ARHGAP44: variants seen among roughly 807,000 people sequenced by gnomAD.
ARHGAP44 encodes the protein Rho GTPase activating protein 44, also known as rho GTPase-activating protein 44.
Under a neutral mutation model 106.8 loss-of-function variants are expected in ARHGAP44, and 43 were observed. The observed-to-expected ratio is 0.40, with a 90% CI of 0.32 to 0.52. ARHGAP44 has a LOEUF of 0.52. Among genes scored for constraint, ARHGAP44 ranks in the 20% least tolerant of loss-of-function variants. The probability of loss-of-function intolerance (pLI) is 0.48; values close to 1 mark genes in which losing one functional copy is unlikely to be tolerated. For missense variants in ARHGAP44, 866 were observed against 1,050.5 expected (o/e 0.82, Z 2.43); for synonymous variants, 439 against 410.3 (o/e 1.07, Z -0.85).
chr17:12,987,391 C>A (rs1395123255), intron 20 of ARHGAP44: 4 of 441,340 alleles, frequency 9.1e-6, no homozygotes, highest in Non-Finnish European at 1.6e-5. Flanking sequence ...ACCCAGCCAG[C>A]CCCTTTCCCC....
chr17:12,830,199 C>T (rs2035043265), intron 1 of ARHGAP44, among the ~76,000 whole-genome samples: 1 of 152,104 alleles, frequency 6.6e-6, no homozygotes, highest in Non-Finnish European at 1.5e-5. Context: ...AGTCTTTTTC[C>T]TATGATTGCT....
At chr17:12,844,347 A>G (rs1310359692) in intron 1 of ARHGAP44, among the ~76,000 whole-genome samples, 1 of 152,160 alleles carries the variant, frequency 6.6e-6, no homozygotes, top group Non-Finnish European at 1.5e-5. Flanking sequence ...AAGTAAGCAC[A>G]TGAGACACAG....
chr17:12,919,876 G>T, intron 6 of ARHGAP44, 45 bp downstream of exon 6: 1 of 1,547,320 alleles, frequency 6.5e-7, no homozygotes, highest in Non-Finnish European at 8.8e-7. Flanking sequence ...AAGGGACAGT[G>T]ATCATATTTT....
intron 1 of ARHGAP44, among the ~76,000 whole-genome samples, chr17:12,831,156 C>T (rs1280302376): frequency 6.6e-6 from 1 of 152,174 alleles, no homozygotes. Flanking sequence ...TCATTGAATT[C>T]TTCAACAACT....
intron 1 of ARHGAP44, among the ~76,000 whole-genome samples, chr17:12,801,356 C>T (rs2034087756): frequency 6.6e-6 from 1 of 152,246 alleles, no homozygotes; most frequent in African/African-American, 2.4e-5. Context: ...CTGTTTTATC[C>T]TCCCAACAAC....
chr17:12,837,652 A>G (rs889350856), intron 1 of ARHGAP44, among the ~76,000 whole-genome samples: 9 of 151,774 alleles, frequency 5.9e-5, no homozygotes, highest in African/African-American at 2.2e-4. Flanking sequence ...CAGGGCAGGT[A>G]GTAGAACTGG....
chr17:12,818,351 AAAC>A (rs1385079288), intron 1 of ARHGAP44, among the ~76,000 whole-genome samples: 1 of 151,368 alleles, frequency 6.6e-6, no homozygotes, highest in Non-Finnish European at 1.5e-5. Context: ...AAAAAAAAAA[AAAC>A]AACCCTACAA....
Position 12,845,973 on chromosome 17 carries a change from G to A in ARHGAP44, c.54-48967G>A, listed in dbSNP as rs74437759. Among the ~76,000 whole-genome samples, 757 of 152,074 alleles carry A rather than the reference G, an allele frequency of 5.0e-3. 26 individuals carry two copies. In the East Asian group the frequency reaches 0.071, roughly 14 times the overall value. ...GGAAGTACACATAAGACAGGGTTCC[G>A]GTATTAAAAAATCTATTTAGGAAAA... On this transcript the variant is annotated intron_variant, in intron 1 of 20. Coordinates refer to ENST00000379672, the MANE Select transcript of ARHGAP44 (RefSeq NM_014859.6).
At chr17:12,907,817 T>C (rs2037600207) in intron 3 of ARHGAP44, among the ~76,000 whole-genome samples, 1 of 152,238 alleles carries the variant, frequency 6.6e-6, no homozygotes, top group Middle Eastern at 3.2e-3. Context: ...TTCAGTTACT[T>C]TGGATATATA....
At chr17:12,872,963 C>T (rs1293774410) in intron 1 of ARHGAP44, among the ~76,000 whole-genome samples, 2 of 152,214 alleles carry the variant, frequency 1.3e-5, no homozygotes, top group African/African-American at 4.8e-5. Flanking sequence ...GTGGATTTAT[C>T]CCGACATTAG....
At chr17:12,965,180 C>T (rs1029205893) in intron 16 of ARHGAP44, among the ~76,000 whole-genome samples, 4 of 152,154 alleles carry the variant, frequency 2.6e-5, no homozygotes, top group African/African-American at 4.8e-5. Context: ...GATGGGCCGG[C>T]GATCTGCCAC....
At chr17:12,910,681 A>G (rs1003852451) in intron 4 of ARHGAP44, among the ~76,000 whole-genome samples, 51 of 152,054 alleles carry the variant, frequency 3.4e-4, no homozygotes, top group Admixed American at 1.8e-3. Flanking sequence ...CCTGACCTCA[A>G]GTGATCCACC....
chr17:12,814,235 GTT>G (rs773171329), intron 1 of ARHGAP44, among the ~76,000 whole-genome samples: 5 of 87,266 alleles, frequency 5.7e-5, no homozygotes, highest in Admixed American at 1.3e-4. Flanking sequence ...CCAAACTGGT[GTT>G]TTTTTTTTTT....
intron 16 of ARHGAP44, among the ~76,000 whole-genome samples, chr17:12,968,646 C>T (rs1355623068): frequency 2.0e-5 from 3 of 152,134 alleles, no homozygotes; most frequent in Admixed American, 2.0e-4. Flanking sequence ...TCCAACTCAG[C>T]AGAGCCCCGC....
chr17:12,836,653 T>C (rs2150821794), intron 1 of ARHGAP44, among the ~76,000 whole-genome samples: 1 of 146,764 alleles, frequency 6.8e-6, no homozygotes, highest in African/African-American at 2.5e-5. Context: ...TGAGACTCTG[T>C]CTCAAAAAAA....
chr17:12,791,329 T>G (rs1002275634), intron 1 of ARHGAP44, among the ~76,000 whole-genome samples: 1 of 152,144 alleles, frequency 6.6e-6, no homozygotes, highest in Admixed American at 6.5e-5. Context: ...CCTTTTGATG[T>G]GTTGGATGCC....
rs9910472 is a variant in ARHGAP44 at position 12,884,050 on chromosome 17, T to C, written c.54-10890T>C. Among the ~76,000 whole-genome samples, 294 of 152,276 alleles carry C rather than the reference T, an allele frequency of 1.9e-3. 1 individual carries two copies. Among genetic ancestry groups the C allele is most frequent in the African/African-American group, 6.7e-3 (278 of 41,574 alleles). On this transcript the variant is annotated intron_variant, in intron 1 of 20. Coordinates refer to ENST00000379672, the MANE Select transcript of ARHGAP44 (RefSeq NM_014859.6). The stretch of plus-strand genomic sequence containing the variant: ...TTATATTGCTGTCCTCTTTCTTTCA[T>C]AATGTTTTTTTTCTCCCTCAAAGTC...
intron 1 of ARHGAP44, among the ~76,000 whole-genome samples, chr17:12,872,825 A>G (rs1418049305): frequency 6.6e-6 from 1 of 151,850 alleles, no homozygotes; most frequent in Non-Finnish European, 1.5e-5. Context: ...TTCTTTTTTC[A>G]GGAACTTCAA....
At chr17:12,880,760 T>C (rs180769878) in intron 1 of ARHGAP44, among the ~76,000 whole-genome samples, 70 of 152,224 alleles carry the variant, frequency 4.6e-4, no homozygotes, top group African/African-American at 1.7e-3. Context: ...AGAGGGAATA[T>C]TGTTCTGTTA....
Sources: gnomAD v4.1 joint callset for allele counts (sites outside exome capture counted in the v4.1 genomes callset) on GRCh38, gnomAD v4.1.1 for gene constraint, MANE v1.5 for transcripts, NCBI Gene and HGNC (gene_info 2026-07-23, HGNC 2026-07-21) for gene names.